NOX4: variants seen among roughly 807,000 people sequenced by gnomAD.
NOX4 encodes the protein kidney oxidase-1.
NOX4 carries 69 observed loss-of-function variants against 87.6 expected under a neutral mutation model. The ratio of observed to expected loss-of-function variants is 0.79; its 90% CI spans 0.65 to 0.96. NOX4 has a LOEUF of 0.96. Ranked by LOEUF, NOX4 falls within the 40% of genes least tolerant of loss-of-function variation. NOX4 has a pLI of 0.00. For synonymous variants in NOX4, 275 were observed against 238.2 expected, an observed-to-expected ratio of 1.15 and a Z score of -1.42; for missense variants, 680 against 681.5, an observed-to-expected ratio of 1.00 and a Z score of 0.02.
At chr11:89,471,487 A>G (rs1168420131) in intron 2 of NOX4, among the ~76,000 whole-genome samples, 2 of 152,184 alleles carry the variant, frequency 1.3e-5, no homozygotes, top group East Asian at 1.9e-4. Context: ...TATGGTCTAT[A>G]TAGTAATCAA....
At chr11:89,340,535 C>A (rs1168339311) in intron 14 of NOX4, among the ~76,000 whole-genome samples, 9 of 152,074 alleles carry the variant, frequency 5.9e-5, no homozygotes, top group Admixed American at 1.3e-4. Context: ...AGAAAAAAAA[C>A]AAGTTTTCAA....
intron 12 of NOX4, among the ~76,000 whole-genome samples, chr11:89,355,502 A>G (rs1937975261): frequency 6.6e-6 from 1 of 151,632 alleles, no homozygotes; most frequent in South Asian, 2.1e-4. Context: ...AAATCTTATC[A>G]TTGAAAGGTT....
the NOX4 span, among the ~76,000 whole-genome samples, chr11:89,565,381 G>C: frequency 7.2e-5 from 11 of 152,016 alleles, no homozygotes; most frequent in Admixed American, 5.9e-4. Context: ...TAATAATCCA[G>C]ATAACTCATC....
chr11:89,426,303 A>G (rs1196636914), intron 7 of NOX4, among the ~76,000 whole-genome samples: 1 of 152,162 alleles, frequency 6.6e-6, no homozygotes, highest in East Asian at 1.9e-4. Context: ...TGAGCAACGC[A>G]GAGAAGGGTG....
chr11:89,358,771 A>G (rs991510820), intron 12 of NOX4, among the ~76,000 whole-genome samples: 5 of 152,018 alleles, frequency 3.3e-5, no homozygotes, highest in African/African-American at 1.2e-4. Flanking sequence ...AAAAAAAAAA[A>G]AAGATATATT....
At chr11:89,357,286 CA>C (rs1938140214) in intron 12 of NOX4, among the ~76,000 whole-genome samples, 1 of 151,990 alleles carries the variant, frequency 6.6e-6, no homozygotes, top group African/African-American at 2.4e-5. Flanking sequence ...GATCCAAACA[CA>C]GATGTGCTTA....
intron 6 of NOX4, 71 bp downstream of exon 6, chr11:89,440,616 CG>C: frequency 9.5e-7 from 1 of 1,051,786 alleles, no homozygotes; most frequent in Non-Finnish European, 1.4e-6. Flanking sequence ...TGAGCCACTG[CG>C]CCCAGTCCGA....
At chr11:89,407,165 A>G (rs1437476469) in intron 8 of NOX4, among the ~76,000 whole-genome samples, 2 of 152,144 alleles carry the variant, frequency 1.3e-5, no homozygotes, top group African/African-American at 4.8e-5. Flanking sequence ...AAAAGCAAAC[A>G]ATAAACACAT....
At chr11:89,430,390 A>G (rs1291124746) in intron 7 of NOX4, among the ~76,000 whole-genome samples, 2 of 152,196 alleles carry the variant, frequency 1.3e-5, no homozygotes, top group African/African-American at 4.8e-5. Flanking sequence ...AGGATATTCA[A>G]TTAGGAAAAA....
Position 89,325,789 on chromosome 11 carries a change from G to A in NOX4, c.*967C>T, listed in dbSNP as rs527771774. ...AGTGCAAATTAACTAACTATCCTTAGAGGCTACAGCCTAAGACAAACCCTA... is the reference window on the plus strand; with the variant it reads ...AGTGCAAATTAACTAACTATCCTTAAAGGCTACAGCCTAAGACAAACCCTA... On this transcript the variant is annotated 3_prime_UTR_variant, in exon 18 of 18. Transcript: ENST00000263317. 12 of 151,072 alleles carry A rather than the reference G, an allele frequency of 7.9e-5. No individual in the cohort carries two copies. The highest frequency in any genetic ancestry group is 1.8e-4 in the Non-Finnish European group (12 of 67,844). The allele number at this position is 151,072 out of a possible 1,614,324, so 9.4% of individuals were successfully genotyped here. A position where few individuals can be genotyped will look rare whatever the true frequency, so the allele number is the denominator to read the frequency against.
the NOX4 span, among the ~76,000 whole-genome samples, chr11:89,561,758 C>T: frequency 5.9e-5 from 9 of 152,038 alleles, no homozygotes; most frequent in East Asian, 5.8e-4. Flanking sequence ...CTTCCTTTCT[C>T]GTGGGGGAGG....
chr11:89,574,510 G>T, the NOX4 span, among the ~76,000 whole-genome samples: 2 of 152,306 alleles, frequency 1.3e-5, no homozygotes, highest in East Asian at 3.9e-4. Flanking sequence ...TAAGGAAAAT[G>T]ATTCATATAT....
At chr11:89,542,607 G>A in the NOX4 span, among the ~76,000 whole-genome samples, 1 of 152,150 alleles carries the variant, frequency 6.6e-6, no homozygotes, top group Non-Finnish European at 1.5e-5. Flanking sequence ...GTGGCCATGA[G>A]AATAAGAACT....
At chr11:89,377,600 G>A (rs1939950877) in intron 11 of NOX4, among the ~76,000 whole-genome samples, 2 of 151,860 alleles carry the variant, frequency 1.3e-5, no homozygotes, top group Admixed American at 1.3e-4. Flanking sequence ...ATATGTTTGG[G>A]AATTAAATGT....
chr11:89,560,996 C>CTCTCTCTCTA, the NOX4 span, among the ~76,000 whole-genome samples: 12 of 40,802 alleles, frequency 2.9e-4, no homozygotes, highest in African/African-American at 1.4e-3. Context: ...CTCTCTCTCT[C>CTCTCTCTCTA]TATATATATA....
chr11:89,425,312 C>G (rs1943317192), intron 7 of NOX4, among the ~76,000 whole-genome samples: 1 of 150,902 alleles, frequency 6.6e-6, no homozygotes, highest in African/African-American at 2.4e-5. Flanking sequence ...TACAATTTGA[C>G]TCAGCTATTC....
chr11:89,449,493 T>C lies in NOX4; in HGVS notation c.296A>G (p.Asp99Gly). ...VPSRRTRRLL[D>G]KSRTFHITCG... The stretch of plus-strand genomic sequence containing the variant: ...GGTAATATGGAATGTTCTGCTTTTA[T>C]CCAACAATCTCCTGGTTCTCCTGCT... Residue 99 changes from aspartate to glycine, a missense_variant, in exon 4 of 18, where the codon GAT (aspartate) becomes GGT (glycine). Transcript: ENST00000263317. 1.2e-6 allele frequency: 2 copies of C among 1,612,426 alleles called. No homozygotes were observed. Among genetic ancestry groups the C allele is most frequent in the South Asian group, 1.1e-5 (1 of 90,930 alleles).
chr11:89,487,513 C>T (rs1309217944), intron 2 of NOX4, among the ~76,000 whole-genome samples: 2 of 152,094 alleles, frequency 1.3e-5, no homozygotes, highest in Non-Finnish European at 2.9e-5. Flanking sequence ...AAGCTATTAT[C>T]AAAATGTTCA....
Position 89,343,579 on chromosome 11 carries a change from C to T in NOX4, c.1218-1386G>A, listed in dbSNP as rs567558709. 7.9e-5 allele frequency among the ~76,000 whole-genome samples: 12 copies of T among 151,696 alleles called. No homozygotes were observed. The South Asian group carries it at 1.0e-3, about 13-fold the overall frequency. ...TCTACTTTTTTGAGGGAGATGGAAA[C>T]GGAAACTACTTAAACCACTTTTTTT... On this transcript the variant is annotated intron_variant, in intron 13 of 17. Coordinates refer to ENST00000263317, the MANE Select transcript of NOX4 (RefSeq NM_016931.5).
Sources: gnomAD v4.1 joint callset for allele counts (sites outside exome capture counted in the v4.1 genomes callset) on GRCh38, gnomAD v4.1.1 for gene constraint, MANE v1.5 for transcripts, NCBI Gene and HGNC (gene_info 2026-07-23, HGNC 2026-07-21) for gene names.